SMARCA2: variants seen among roughly 807,000 people sequenced by gnomAD.
SMARCA2 encodes SWI/SNF-related matrix-associated actin-dependent regulator of chromatin subfamily A member 2.
Under a neutral mutation model 199.8 loss-of-function variants are expected in SMARCA2, and 61 were observed. The observed-to-expected ratio is 0.31, with a 90% CI of 0.25 to 0.38. SMARCA2 has a LOEUF of 0.38. Among genes scored for constraint, SMARCA2 ranks in the 10% least tolerant of loss-of-function variants. SMARCA2 has a pLI of 1.00. For missense variants in SMARCA2, 1,344 were observed against 2,012.2 expected (o/e 0.67, Z 6.35); for synonymous variants, 935 against 732.0 (o/e 1.28, Z -4.48).
intron 3 of SMARCA2, among the ~76,000 whole-genome samples, chr9:2,034,434 C>G (rs1191259679): frequency 6.6e-6 from 1 of 152,136 alleles, no homozygotes; most frequent in East Asian, 1.9e-4. Context: ...CTGGTGAAAA[C>G]TATTCACGTA....
In SMARCA2 at chr9:2,191,400, G is replaced by C; in HGVS notation, c.4729G>C (p.Asp1577His). 6.2e-7 allele frequency: 1 copy of C among 1,614,114 alleles called. No individual in the cohort carries two copies. The highest frequency in any genetic ancestry group is 8.5e-7 in the Non-Finnish European group (1 of 1,179,960). ...VSDFDSDEEQ[D>H]EREQSEGSGT... The stretch of plus-strand genomic sequence containing the variant: ...CGATTTTGACAGCGATGAGGAGCAG[G>C]ATGAACGTGTAAGTGTAGCCGACTG... The change falls in exon 33 of 34, where the codon GAT becomes CAT. Residue 1577 changes from aspartate (D) to histidine (H), a missense_variant. Physicochemically the swap from Asp to His is moderately conservative, Grantham distance 81 (BLOSUM62 -1). Around this residue, in one of 18 missense-constraint regions of SMARCA2, gnomAD observed 155 missense variants for 121.1 expected, o/e 1.28. Transcript: ENST00000349721.
chr9:2,066,898 G>A (rs1820862630), intron 9 of SMARCA2, among the ~76,000 whole-genome samples: 1 of 152,172 alleles, frequency 6.6e-6, no homozygotes, highest in Non-Finnish European at 1.5e-5. Flanking sequence ...AAACTCTTGG[G>A]TGTTAATTTT....
At chr9:2,158,920 G>A in intron 27 of SMARCA2, 1 of 1,610,456 alleles carries the variant, frequency 6.2e-7, no homozygotes, top group Non-Finnish European at 8.5e-7. Flanking sequence ...GGGGAGGAGG[G>A]AAGATGTTTT....
intron 3 of SMARCA2, among the ~76,000 whole-genome samples, chr9:2,037,211 A>G (rs906072776): frequency 2.0e-5 from 3 of 152,220 alleles, no homozygotes; most frequent in African/African-American, 7.2e-5. Flanking sequence ...GCTGAAGTTA[A>G]GTGTCTGTTA....
chr9:2,061,100 T>A, intron 9 of SMARCA2, 114 bp downstream of exon 9: 1 of 1,033,340 alleles, frequency 9.7e-7, no homozygotes, highest in Non-Finnish European at 1.4e-6. Context: ...GTTTAGATGA[T>A]TGAATTGTGA....
At chr9:2,157,744 C>G (rs1466799923) in intron 27 of SMARCA2, 2 of 393,196 alleles carry the variant, frequency 5.1e-6, no homozygotes, top group Non-Finnish European at 9.0e-6. Flanking sequence ...TTGCGTGTCC[C>G]TGTTTACCTA....
chr9:2,022,742 G>C (rs1188903180), intron 1 of SMARCA2, among the ~76,000 whole-genome samples: 10 of 152,228 alleles, frequency 6.6e-5, no homozygotes, highest in Admixed American at 6.5e-4. Context: ...TCAACATCCA[G>C]AATGAGGTTG....
At chr9:2,032,818 CT>C (rs1403160850) in intron 2 of SMARCA2, 133 bp from the exon 3 acceptor site, 6 of 702,240 alleles carry the variant, frequency 8.5e-6, no homozygotes, top group African/African-American at 1.8e-5. Flanking sequence ...GGTCTAGTCT[CT>C]TTTTTTAACT....
At chr9:2,048,496 T>A (rs1327385505) in intron 5 of SMARCA2, among the ~76,000 whole-genome samples, 1 of 152,198 alleles carries the variant, frequency 6.6e-6, no homozygotes, top group Non-Finnish European at 1.5e-5. Flanking sequence ...AAATTAGAGT[T>A]TAAAAATTAT....
intron 1 of SMARCA2, among the ~76,000 whole-genome samples, chr9:2,027,531 A>G (rs1025094609): frequency 3.9e-5 from 6 of 152,218 alleles, no homozygotes; most frequent in Non-Finnish European, 8.8e-5. Context: ...TTGATTCATC[A>G]GATAATTTTT....
chr9:2,089,289 G>A (rs932311377), intron 19 of SMARCA2, among the ~76,000 whole-genome samples: 32 of 152,122 alleles, frequency 2.1e-4, no homozygotes, highest in Admixed American at 5.9e-4. Flanking sequence ...AGTTTAATAT[G>A]TTTCTGATCA....
intron 20 of SMARCA2, chr9:2,097,130 C>T (rs1367415139): frequency 6.1e-6 from 3 of 490,916 alleles, no homozygotes; most frequent in African/African-American, 3.9e-5. Flanking sequence ...ACAGTCATGT[C>T]GCAAAGCCAT....
intron 21 of SMARCA2, among the ~76,000 whole-genome samples, chr9:2,099,240 G>A (rs1047059653): frequency 7.2e-5 from 11 of 152,156 alleles, no homozygotes; most frequent in African/African-American, 2.2e-4. Flanking sequence ...TGGGTTTAGA[G>A]GAGCTGGGAG....
intron 13 of SMARCA2, 63 bp downstream of exon 13, chr9:2,076,392 T>G (rs1821324329): frequency 9.2e-7 from 1 of 1,086,746 alleles, no homozygotes. Context: ...TGAATTTTCT[T>G]TTAGGAAATT....
At chr9:2,077,844 C>A in intron 14 of SMARCA2, 68 bp downstream of exon 14, 1 of 1,425,134 alleles carries the variant, frequency 7.0e-7, no homozygotes, top group South Asian at 1.3e-5. Flanking sequence ...TGAAGTATGT[C>A]GTGCACATGT....
intron 6 of SMARCA2, 122 bp downstream of exon 6, chr9:2,054,845 GT>G: frequency 1.0e-6 from 1 of 971,050 alleles, no homozygotes; most frequent in Non-Finnish European, 1.5e-6. Flanking sequence ...TATAAATATA[GT>G]AAAATAGTGA....
At chr9:2,093,455 G>C (rs1240723954) in intron 19 of SMARCA2, among the ~76,000 whole-genome samples, 1 of 152,204 alleles carries the variant, frequency 6.6e-6, no homozygotes, top group Non-Finnish European at 1.5e-5. Context: ...TTATCCCAGG[G>C]GAAGCGTGAG....
In SMARCA2 at chr9:2,077,625, C is replaced by T. The variant is rs772646899; in HGVS notation, c.2037-4C>T. ...GTGTGATTCTCCACTTTTTCCTTTC[C>T]CAGGACAGCTAAGCAAGACGTGGAT... On this transcript the variant is annotated splice_region_variant and splice_polypyrimidine_tract_variant and intron_variant, in intron 13 of 33. Coordinates refer to ENST00000349721, the MANE Select transcript of SMARCA2 (RefSeq NM_003070.5). 1 of 1,612,730 alleles carries T rather than the reference C, an allele frequency of 6.2e-7. No homozygotes were observed. The highest frequency in any genetic ancestry group is 1.3e-5 in the African/African-American group (1 of 74,944).
intron 27 of SMARCA2, among the ~76,000 whole-genome samples, chr9:2,147,764 C>A (rs1824840161): frequency 6.6e-6 from 1 of 151,412 alleles, no homozygotes; most frequent in East Asian, 1.9e-4. Flanking sequence ...GGGAAAATTG[C>A]TTGAACCCGG....
Sources: gnomAD v4.1 joint callset for allele counts (sites outside exome capture counted in the v4.1 genomes callset) on GRCh38, gnomAD v4.1.1 for gene constraint, gnomAD v4.1.1 regional missense constraint, MANE v1.5 for transcripts, NCBI Gene and HGNC (gene_info 2026-07-23, HGNC 2026-07-21) for gene names.